NIBAN3: variants seen among roughly 807,000 people sequenced by gnomAD.
NIBAN3 encodes niban apoptosis regulator 3.
A neutral mutation model predicts 76.4 loss-of-function variants in NIBAN3; 66 were observed. The observed-to-expected ratio is 0.86, with a 90% CI of 0.71 to 1.06. The LOEUF is 1.06. Ranked by LOEUF, NIBAN3 falls within the 50% of genes least tolerant of loss-of-function variation. The probability of loss-of-function intolerance (pLI) is 0.00; values close to 1 mark genes in which losing one functional copy is unlikely to be tolerated. For synonymous variants in NIBAN3, 360 were observed against 355.2 expected, an observed-to-expected ratio of 1.01 and a Z score of -0.15; for missense variants, 808 against 810.7, an observed-to-expected ratio of 1.00 and a Z score of 0.04.
intron 5 of NIBAN3, 103 bp downstream of exon 5, chr19:17,537,646 C>A: frequency 1.7e-6 from 2 of 1,210,230 alleles, no homozygotes; most frequent in Non-Finnish European, 2.3e-6. Flanking sequence ...CTTTCTTTAC[C>A]CAGAAAATGG....
chr19:17,525,768 A>G (rs62126812), upstream of NIBAN3, among the ~76,000 whole-genome samples: 10,215 of 152,042 alleles, frequency 0.067, 399 homozygotes, highest in Admixed American at 0.12. Flanking sequence ...CAGCACGGAG[A>G]GTTTTGGGGT....
intron 12 of NIBAN3, 152 bp downstream of exon 12, chr19:17,543,783 G>T: frequency 1.7e-6 from 1 of 601,774 alleles, no homozygotes; most frequent in South Asian, 2.0e-5. Flanking sequence ...ACAAGGTCAG[G>T]AGTTCGAGAC....
At chr19:17,544,259 G>A (rs540397109) in intron 12 of NIBAN3, among the ~76,000 whole-genome samples, 1 of 152,194 alleles carries the variant, frequency 6.6e-6, no homozygotes, top group African/African-American at 2.4e-5. Flanking sequence ...TCGCACCACT[G>A]CACTCCAGCC....
chr19:17,543,467 G>T (rs1346728090), intron 11 of NIBAN3, 34 bp downstream of exon 11: 1 of 1,608,454 alleles, frequency 6.2e-7, no homozygotes, highest in East Asian at 2.2e-5. Flanking sequence ...GCATGGGGTG[G>T]CAGTGGGCCT....
upstream of NIBAN3, chr19:17,527,260 G>C: frequency 6.5e-7 from 1 of 1,550,108 alleles, no homozygotes; most frequent in Non-Finnish European, 8.7e-7. Flanking sequence ...CCTCTCACCC[G>C]CCATCCAGGT....
intron 2 of NIBAN3, among the ~76,000 whole-genome samples, chr19:17,531,754 G>A (rs530781262): frequency 4.6e-4 from 70 of 152,206 alleles, no homozygotes; most frequent in African/African-American, 1.1e-3. Flanking sequence ...GGCTGATCTC[G>A]AACTCCTGAC....
At position 17,545,780 on chromosome 19, in the gene NIBAN3, G is replaced by A. The variant is rs562312347; in HGVS notation, c.1555-906G>A. The A allele has an allele frequency of 3.9e-4, 84 of 214,206 alleles. No homozygotes were observed. The South Asian group carries it at 4.2e-3, about 11-fold the overall frequency. 13.3% of individuals were successfully genotyped at this position (214,206 alleles called of 1,614,324 possible). ...CCAGGTGTACAGGATGGAACACGAA[G>A]GCGGACTAGGAGCGAGACCACTGAA... On this transcript the variant is annotated intron_variant, in intron 12 of 14. Coordinates refer to ENST00000599164, the MANE Select transcript of NIBAN3 (RefSeq NM_001321827.2).
chr19:17,554,049 T>C (rs2076194284), downstream of NIBAN3, among the ~76,000 whole-genome samples: 1 of 152,008 alleles, frequency 6.6e-6, no homozygotes. Context: ...TTTTTTGTGT[T>C]TTTAGAAGAG....
At chr19:17,526,181 C>T (rs1359040518), upstream of NIBAN3, among the ~76,000 whole-genome samples, 3 of 151,716 alleles carry the variant, frequency 2.0e-5, no homozygotes, top group East Asian at 1.9e-4. Flanking sequence ...GGTGTGGTGG[C>T]GGGCGCCTGT....
Position 17,539,200 on chromosome 19 carries a change from CGACTCTACCGGCA to C in NIBAN3, c.648_660del (p.Leu217ThrfsTer10), listed in dbSNP as rs1185288972. 6.2e-7 allele frequency: 1 copy of C among 1,607,798 alleles called. No individual in the cohort carries two copies. The highest frequency in any genetic ancestry group is 2.2e-5 in the East Asian group (1 of 44,602). ...TGCCCGGGCCTTCCTGGACGCCGTCCGACTCTACCGGCAGCACCAAGGCCACTTTGGCGACGAC... is the reference window on the plus strand; with the variant it reads ...TGCCCGGGCCTTCCTGGACGCCGTCCGCACCAAGGCCACTTTGGCGACGAC... On this transcript the variant is annotated frameshift_variant, in exon 6 of 15. Transcript: ENST00000599164. LOFTEE classifies it high-confidence loss of function.
intron 2 of NIBAN3, 60 bp downstream of exon 2, chr19:17,530,945 C>G: frequency 1.3e-6 from 2 of 1,557,240 alleles, no homozygotes; most frequent in Non-Finnish European, 1.7e-6. Context: ...GAGGAGCCCT[C>G]CCTAGGCCAT....
rs534258279 is a variant in NIBAN3 at position 17,532,568 on chromosome 19, G to A, written c.312+180G>A. Among the ~76,000 whole-genome samples, 93 of 152,292 alleles carry A rather than the reference G, an allele frequency of 6.1e-4. 1 individual carries two copies. The highest frequency in any genetic ancestry group is 2.1e-3 in the African/African-American group (86 of 41,570). On this transcript the variant is annotated intron_variant, in intron 3 of 14. Transcript: ENST00000599164. ...CAACCATCTCGTCCCATCCCCTGCT[G>A]TGCTGGGTGGGTAAACTGAGGCCCA... is the stretch of plus-strand genomic sequence containing the variant.
At chr19:17,532,116 C>G in intron 2 of NIBAN3, 147 bp from the exon 3 acceptor site, 4 of 1,108,502 alleles carry the variant, frequency 3.6e-6, no homozygotes, top group Non-Finnish European at 4.9e-6. Context: ...GGACACAGAG[C>G]CCCTTCCTGC....
rs534762462 is a variant in NIBAN3 at position 17,534,797 on chromosome 19, A to C, written c.427+1096A>C. Among the ~76,000 whole-genome samples, 7 of 116,280 alleles carry C rather than the reference A, an allele frequency of 6.0e-5. No homozygotes were observed. In the East Asian group the frequency reaches 1.2e-3, roughly 20 times the overall value. The allele number at this position is 116,280 out of a possible 152,430, so 76.3% of individuals were successfully genotyped here. A position where few individuals can be genotyped will look rare whatever the true frequency, so the allele number is the denominator to read the frequency against. On this transcript the variant is annotated intron_variant, in intron 4 of 14. Transcript: ENST00000599164. ...CAGAGCAAGACTCCATCTCAAAAAA[A>C]AAAAAAAAAAGAAAAGAAAAGAAAT...
chr19:17,539,391 A>G lies in NIBAN3; in HGVS notation c.756A>G (p.Arg252=). The part of the protein sequence containing the change: ...VLMREQLPAL[R]AQTLPGLRGA... ...TGCGGGAGCAACTTCCCGCGCTGCG[A>G]GCCCAGACCCTTCCTGGCCTGCGGG... Residue 252 remains arginine (R), a synonymous_variant, in exon 7 of 15, where the codon CGA becomes CGG. Coordinates refer to ENST00000599164, the MANE Select transcript of NIBAN3 (RefSeq NM_001321827.2). The G allele has an allele frequency of 6.5e-7, 1 of 1,539,710 alleles. No homozygotes were observed. The highest frequency in any genetic ancestry group is 2.0e-5 in the Admixed American group (1 of 50,584).
intron 1 of NIBAN3, among the ~76,000 whole-genome samples, chr19:17,530,384 T>G (rs2075696273): frequency 6.6e-6 from 1 of 150,452 alleles, no homozygotes; most frequent in Non-Finnish European, 1.5e-5. Flanking sequence ...AATACAAAAA[T>G]TAGCCCAGCA....
chr19:17,549,136 G>GC (rs981374188), intron 13 of NIBAN3, among the ~76,000 whole-genome samples: 3 of 152,148 alleles, frequency 2.0e-5, no homozygotes, highest in Non-Finnish European at 4.4e-5. Context: ...TCCAGAAACA[G>GC]TTGACCTCAA....
intron 9 of NIBAN3, among the ~76,000 whole-genome samples, chr19:17,541,870 G>A (rs1425216063): frequency 1.3e-5 from 2 of 151,818 alleles, no homozygotes; most frequent in Admixed American, 6.6e-5. Context: ...TTTTAGTTGA[G>A]ACAGGGTTTC....
chr19:17,554,021 G>A (rs926213935), downstream of NIBAN3, among the ~76,000 whole-genome samples: 3 of 151,800 alleles, frequency 2.0e-5, no homozygotes, highest in Non-Finnish European at 2.9e-5. Context: ...CAGGCGAAGC[G>A]CCACCATGAC....
Sources: allele counts gnomAD v4.1 joint callset (sites outside exome capture counted in the v4.1 genomes callset), GRCh38; gene constraint gnomAD v4.1.1; transcripts MANE v1.5; gene names NCBI Gene and HGNC (gene_info 2026-07-23, HGNC 2026-07-21).